Variants in RP1 observed in about 807,000 individuals in gnomAD.
The protein encoded by RP1 is RP1 axonemal microtubule associated, also known as oxygen-regulated protein 1.
Under a neutral mutation model 14.8 loss-of-function variants are expected in RP1, and 16 were observed. The ratio of observed to expected loss-of-function variants is 1.08; its 90% CI spans 0.73 to 1.65. The LOEUF is 1.65. RP1 is among the 40% of genes most tolerant of loss of function. The pLI, the probability that RP1 is intolerant of heterozygous loss-of-function variation, is 0.00. For missense variants in RP1, 2,631 were observed against 2,535.0 expected, an observed-to-expected ratio of 1.04 and a Z score of -0.81; for synonymous variants, 876 against 883.6, an observed-to-expected ratio of 0.99 and a Z score of 0.15.
At chr8:54,866,875 A>C (rs1250920852) in intron 28 of RP1, among the ~76,000 whole-genome samples, 2 of 152,188 alleles carry the variant, frequency 1.3e-5, no homozygotes, top group African/African-American at 4.8e-5. Context: ...GAATCTAGAG[A>C]ACTCATGCAT....
chr8:54,816,898 G>C (rs535774545), intron 24 of RP1, among the ~76,000 whole-genome samples: 41 of 152,154 alleles, frequency 2.7e-4, no homozygotes, highest in African/African-American at 9.9e-4. Context: ...CATTTCCACT[G>C]TAGGTCCTTG....
intron 15 of RP1, among the ~76,000 whole-genome samples, chr8:54,717,561 A>C (rs570161462): frequency 6.6e-6 from 1 of 152,142 alleles, no homozygotes; most frequent in African/African-American, 2.4e-5. Flanking sequence ...AAATAAAAAG[A>C]CTAACTTTCA....
intron 15 of RP1, among the ~76,000 whole-genome samples, chr8:54,719,294 T>C (rs2129349987): frequency 6.6e-6 from 1 of 152,278 alleles, no homozygotes; most frequent in East Asian, 1.9e-4. Flanking sequence ...CAGAATCTTA[T>C]TGAATTTAGA....
chr8:54,731,445 C>T (rs1413867438), intron 17 of RP1, among the ~76,000 whole-genome samples: 3 of 152,138 alleles, frequency 2.0e-5, no homozygotes, highest in African/African-American at 7.2e-5. Context: ...ACAAAAGCAA[C>T]TGCTTTTATG....
intron 24 of RP1, among the ~76,000 whole-genome samples, chr8:54,811,854 C>T (rs147892231): frequency 0.012 from 1,825 of 152,358 alleles, 14 homozygotes; most frequent in Non-Finnish European, 0.019. Flanking sequence ...AGCTCACTTA[C>T]CGCATATTGC....
intron 25 of RP1, among the ~76,000 whole-genome samples, chr8:54,843,137 G>A (rs1343605816): frequency 6.6e-6 from 1 of 152,198 alleles, no homozygotes; most frequent in African/African-American, 2.4e-5. Flanking sequence ...CTGGGTTCAA[G>A]GGATTCTCCT....
intron 6 of RP1, among the ~76,000 whole-genome samples, chr8:54,657,310 G>C (rs771475349): frequency 6.6e-6 from 1 of 152,066 alleles, no homozygotes; most frequent in Non-Finnish European, 1.5e-5. Flanking sequence ...CATTTTAACT[G>C]TTAAAGTTCT....
At chr8:54,860,263 AT>A (rs372414529) in intron 27 of RP1, among the ~76,000 whole-genome samples, 57 of 150,264 alleles carry the variant, frequency 3.8e-4, no homozygotes, top group Admixed American at 8.0e-4. Flanking sequence ...CAAAATACTG[AT>A]TTTTTTTTTA....
chr8:54,651,416 GTT>G (rs1010842354), intron 4 of RP1, among the ~76,000 whole-genome samples: 3 of 151,730 alleles, frequency 2.0e-5, no homozygotes, highest in African/African-American at 7.3e-5. Context: ...TTCTTGGGAG[GTT>G]TTTGATTACT....
At position 54,579,812 on chromosome 8, in the gene RP1, A is replaced by T. The variant is rs1289063866; in HGVS notation, c.-13+20492A>T. Among the ~76,000 whole-genome samples the T allele has an allele frequency of 2.6e-5, 4 of 152,104 alleles. No individual in the cohort carries two copies. The East Asian group carries it at 7.7e-4, about 29-fold the overall frequency. ...TGAGCCTAAGTTCCTTATTCCTTCAAGTTAAATACATGTGCCAATCCCTTC... is the reference window on the plus strand; with the variant it reads ...TGAGCCTAAGTTCCTTATTCCTTCATGTTAAATACATGTGCCAATCCCTTC... On this transcript the variant is annotated intron_variant, in intron 1 of 22. Transcript: ENST00000636932.
intron 19 of RP1, among the ~76,000 whole-genome samples, chr8:54,747,595 A>T (rs1186816237): frequency 6.6e-6 from 1 of 152,246 alleles, no homozygotes; most frequent in Non-Finnish European, 1.5e-5. Context: ...TTTATTTAAC[A>T]AATATTTATA....
intron 6 of RP1, among the ~76,000 whole-genome samples, chr8:54,659,214 G>A (rs1806824520): frequency 6.6e-6 from 1 of 152,152 alleles, no homozygotes; most frequent in Admixed American, 6.5e-5. Context: ...CTGTGCAGAA[G>A]TTTTTAAGTT....
At chr8:54,799,193 T>G (rs1188726961) in intron 24 of RP1, among the ~76,000 whole-genome samples, 1 of 152,072 alleles carries the variant, frequency 6.6e-6, no homozygotes, top group Non-Finnish European at 1.5e-5. Flanking sequence ...CAGAAAGCTA[T>G]ATGTGATTGA....
chr8:54,831,446 G>C (rs1269020255), intron 24 of RP1, among the ~76,000 whole-genome samples: 1 of 102,232 alleles, frequency 9.8e-6, no homozygotes, highest in African/African-American at 3.7e-5. Context: ...TTCTCCTTTG[G>C]CTTATTACCT....
chr8:54,867,071 A>G (rs1157367246), intron 28 of RP1, among the ~76,000 whole-genome samples: 2 of 152,172 alleles, frequency 1.3e-5, no homozygotes, highest in African/African-American at 4.8e-5. Flanking sequence ...GAGAGATGTA[A>G]CGCTACATGA....
intron 3 of RP1, among the ~76,000 whole-genome samples, chr8:54,643,997 A>G (rs905809587): frequency 2.6e-5 from 4 of 152,162 alleles, no homozygotes; most frequent in African/African-American, 4.8e-5. Context: ...TCTCATCTAA[A>G]TATTATAATT....
chr8:54,663,590 C>A, intron 6 of RP1: 1 of 1,104,198 alleles, frequency 9.1e-7, no homozygotes, highest in Non-Finnish European at 1.2e-6. Flanking sequence ...CTGGCATCCA[C>A]TGGGGATCTT....
chr8:54,624,463 A>G (rs1459240723), intron 3 of RP1, among the ~76,000 whole-genome samples: 8 of 151,006 alleles, frequency 5.3e-5, no homozygotes, highest in South Asian at 4.2e-4. Context: ...AAAAAAAAAA[A>G]AAAAGAAAAA....
At chr8:54,614,776 G>T (rs773113647), upstream of RP1, among the ~76,000 whole-genome samples, 3 of 152,076 alleles carry the variant, frequency 2.0e-5, no homozygotes, top group Non-Finnish European at 4.4e-5. Flanking sequence ...TGATTCTTTT[G>T]ATGCTGATGC....
Sources: gnomAD v4.1 joint callset for allele counts (sites outside exome capture counted in the v4.1 genomes callset) on GRCh38, gnomAD v4.1.1 for gene constraint, MANE v1.5 for transcripts, NCBI Gene and HGNC (gene_info 2026-07-23, HGNC 2026-07-21) for gene names.